The following ELAVL1 variants were observed in gnomAD, a reference collection of about 807,000 sequenced individuals.
The protein encoded by ELAVL1 is ELAV-like protein 1.
A neutral mutation model predicts 28.4 loss-of-function variants in ELAVL1; 1 was observed. The observed-to-expected ratio is 0.04, with a 90% CI of 0.01 to 0.17. The LOEUF (loss-of-function observed/expected upper bound fraction) is 0.17. Ranked by LOEUF, ELAVL1 falls within the 10% of genes least tolerant of loss-of-function variation. The pLI, the probability that ELAVL1 is intolerant of heterozygous loss-of-function variation, is 1.00. For synonymous variants in ELAVL1, 174 were observed against 183.5 expected (o/e 0.95, Z 0.42); for missense variants, 157 against 447.2 (o/e 0.35, Z 5.85).
At position 7,963,558 on chromosome 19, in the gene ELAVL1, T is replaced by A. The variant is rs117307819; in HGVS notation, c.906A>T (p.Ile302=). 9.7e-3 allele frequency: 15,686 copies of A among 1,614,258 alleles called. 97 individuals carry two copies. The highest frequency in any genetic ancestry group is 0.012 in the Non-Finnish European group (13,820 of 1,180,040). Reference sequence around the variant, plus strand: ...CCAGGCGGTAGCCGTTCAGGCTGGCTATGGCCATCGCGGCTTCTTCATAGT... The same window carrying A: ...CCAGGCGGTAGCCGTTCAGGCTGGCAATGGCCATCGCGGCTTCTTCATAGT... ...MTNYEEAAMA[I]ASLNGYRLGD... Residue 302 remains isoleucine (I), a synonymous_variant, in exon 6 of 6, where the codon ATA becomes ATT. Coordinates refer to ENST00000407627, the MANE Select transcript of ELAVL1 (RefSeq NM_001419.3). The surrounding 1 kb of genome is among the most constrained non-coding windows in gnomAD (Gnocchi z 4.5).
rs545699897 is a variant in ELAVL1 at position 7,995,568 on chromosome 19, G to A, written c.-16-3737C>T. ...TGTCTCATTTGTTTATGTATTGTCT[G>A]TCTATAGATAGTTTTGTACTACAAT... On this transcript the variant is annotated intron_variant, in intron 1 of 5. Coordinates refer to ENST00000407627, the MANE Select transcript of ELAVL1 (RefSeq NM_001419.3). Among the ~76,000 whole-genome samples, 3 of 152,238 alleles carry A rather than the reference G, an allele frequency of 2.0e-5. No individual in the cohort carries two copies. The South Asian group carries it at 6.2e-4, about 32-fold the overall frequency.
At chr19:7,974,527 A>C (rs1985223910) in intron 3 of ELAVL1, among the ~76,000 whole-genome samples, 2 of 152,168 alleles carry the variant, frequency 1.3e-5, no homozygotes, top group Non-Finnish European at 2.9e-5. Flanking sequence ...AGGCCAATGC[A>C]AGACAAGGTC....
At chr19:7,966,143 G>A (rs180937703) in intron 5 of ELAVL1, among the ~76,000 whole-genome samples, 31 of 152,132 alleles carry the variant, frequency 2.0e-4, no homozygotes, top group African/African-American at 6.5e-4. Context: ...ACCAGCCTGG[G>A]CAACACAGTG....
rs1984814380 is a variant in ELAVL1, at chr19:7,961,695, T to C, written c.*1788A>G. On this transcript the variant is annotated 3_prime_UTR_variant, in exon 6 of 6. Transcript: ENST00000407627. ...GGGTACGGATGGCAACATCATCAAT[T>C]TGCAAGGATCGCGCACACAGCCCCT... 1 of 152,076 alleles carries C rather than the reference T, an allele frequency of 6.6e-6. No individual in the cohort carries two copies. The highest frequency in any genetic ancestry group is 6.6e-5 in the Admixed American group (1 of 15,258). The allele number at this position is 152,076 out of a possible 1,614,324, so 9.4% of individuals were successfully genotyped here.
At chr19:7,997,831 A>T (rs2081054575) in intron 1 of ELAVL1, among the ~76,000 whole-genome samples, 1 of 151,994 alleles carries the variant, frequency 6.6e-6, no homozygotes, top group African/African-American at 2.4e-5. Context: ...CCTGTATGCA[A>T]TCCCAGCTAA....
intron 4 of ELAVL1, 159 bp downstream of exon 4, chr19:7,973,557 ACCTCCTCAG>A: frequency 1.2e-6 from 1 of 809,716 alleles, no homozygotes; most frequent in Non-Finnish European, 1.9e-6. Context: ...ATGCCATCTT[ACCTCCTCAG>A]CCTCCTCAAA....
chr19:7,964,576 C>T (rs1004819113), intron 5 of ELAVL1, among the ~76,000 whole-genome samples: 5 of 151,980 alleles, frequency 3.3e-5, no homozygotes, highest in East Asian at 1.9e-4. Context: ...GGCTCAAGCA[C>T]GGAATCCCAG....
chr19:7,990,986 T>C (rs953088395), intron 2 of ELAVL1, among the ~76,000 whole-genome samples: 1 of 152,130 alleles, frequency 6.6e-6, no homozygotes, highest in Non-Finnish European at 1.5e-5. Flanking sequence ...ACCACCAGGA[T>C]GTAGAAGCCA....
chr19:7,976,129 G>A (rs1489625100), intron 3 of ELAVL1, among the ~76,000 whole-genome samples: 1 of 150,288 alleles, frequency 6.7e-6, no homozygotes, highest in Non-Finnish European at 1.5e-5. Context: ...TTGGCTGGGC[G>A]CAGTGGCTCA....
chr19:7,999,883 T>C (rs913304568), intron 1 of ELAVL1, among the ~76,000 whole-genome samples: 2 of 152,202 alleles, frequency 1.3e-5, no homozygotes, highest in Admixed American at 1.3e-4. Context: ...TTCAAGTGAT[T>C]CTCCGGCTTC....
intron 2 of ELAVL1, among the ~76,000 whole-genome samples, chr19:7,987,092 G>C (rs1303322907): frequency 7.3e-6 from 1 of 137,902 alleles, no homozygotes; most frequent in African/African-American, 2.7e-5. Context: ...AAGCGCCCAA[G>C]AGTAGAGCCT....
rs1043729317 is a variant in ELAVL1 at position 7,999,582 on chromosome 19, G to A, written c.-17+5913C>T. On this transcript the variant is annotated intron_variant, in intron 1 of 5. Transcript: ENST00000407627. ...ATCTAAGAGTCCCCAGGCAAAGCCAGGGTGTGTCACACAGCAGTACAGGAG... is the reference window on the plus strand; with the variant it reads ...ATCTAAGAGTCCCCAGGCAAAGCCAAGGTGTGTCACACAGCAGTACAGGAG... Among the ~76,000 whole-genome samples the A allele has an allele frequency of 1.3e-5, 2 of 152,272 alleles. 1 individual carries two copies. Among genetic ancestry groups the A allele is most frequent in the South Asian group, 4.1e-4 (2 of 4,828 alleles).
rs572838171 is a variant in ELAVL1 at position 7,960,604 on chromosome 19, G to A, written c.*2879C>T. 1 of 152,586 alleles carries A rather than the reference G, an allele frequency of 6.6e-6. No individual in the cohort carries two copies. Among genetic ancestry groups the A allele is most frequent in the African/African-American group, 2.4e-5 (1 of 41,434 alleles). 9.5% of individuals were successfully genotyped at this position (152,586 alleles called of 1,614,324 possible). A position where few individuals can be genotyped will look rare whatever the true frequency, so the allele number is the denominator to read the frequency against. ...GTTCACAAATTCGGAGCTGCCTGGG[G>A]TCTAACTACCAGAGGAAGTTACACA... On this transcript the variant is annotated 3_prime_UTR_variant, in exon 6 of 6. Transcript: ENST00000407627.
At chr19:7,983,429 C>T (rs1209129690) in intron 2 of ELAVL1, among the ~76,000 whole-genome samples, 1 of 152,148 alleles carries the variant, frequency 6.6e-6, no homozygotes, top group Non-Finnish European at 1.5e-5. Context: ...CACGTACAAG[C>T]GAATACCCAC....
Position 7,961,268 on chromosome 19 carries a change from G to A in ELAVL1, c.*2215C>T, listed in dbSNP as rs930222700. ...GCTAGCTATGGGCATGTGTGGGAGT[G>A]AGACTCCAGGGGGAGTTTCAGAAGC... On this transcript the variant is annotated 3_prime_UTR_variant, in exon 6 of 6. Transcript: ENST00000407627. The A allele has an allele frequency of 3.9e-5, 6 of 152,284 alleles. No individual in the cohort carries two copies. The highest frequency in any genetic ancestry group is 9.6e-5 in the African/African-American group (4 of 41,478). 9.4% of individuals were successfully genotyped at this position (152,284 alleles called of 1,614,324 possible). A position where few individuals can be genotyped will look rare whatever the true frequency, so the allele number is the denominator to read the frequency against.
At chr19:8,002,607 GA>G (rs2081071996) in intron 1 of ELAVL1, among the ~76,000 whole-genome samples, 1 of 152,244 alleles carries the variant, frequency 6.6e-6, no homozygotes, top group Admixed American at 6.5e-5. Flanking sequence ...ATTCAGCCTT[GA>G]ATTCGATTCA....
At chr19:7,972,629 TTTTC>T (rs1448683589) in intron 4 of ELAVL1, among the ~76,000 whole-genome samples, 1 of 139,860 alleles carries the variant, frequency 7.2e-6, no homozygotes, top group Non-Finnish European at 1.6e-5. Context: ...TTTTTTTTCT[TTTTC>T]TTTTTTTTTA....
At position 7,962,187 on chromosome 19, in the gene ELAVL1, T is replaced by C. The variant is rs1984830689; in HGVS notation, c.*1296A>G. On this transcript the variant is annotated 3_prime_UTR_variant, in exon 6 of 6. Transcript: ENST00000407627. ...TGAGGCAAGGATTGGTTTCTTAAGA[T>C]CTTACGACTCCTCCCTGAATGCTGG... The C allele has an allele frequency of 6.5e-6, 1 of 153,714 alleles. No homozygotes were observed. Among genetic ancestry groups the C allele is most frequent in the Non-Finnish European group, 1.5e-5 (1 of 68,038 alleles). The allele number at this position is 153,714 out of a possible 1,614,324, so 9.5% of individuals were successfully genotyped here. A position where few individuals can be genotyped will look rare whatever the true frequency, so the allele number is the denominator to read the frequency against.
intron 2 of ELAVL1, among the ~76,000 whole-genome samples, chr19:7,984,767 C>CATCCT (rs1219007198): frequency 1.2e-4 from 18 of 152,228 alleles, no homozygotes; most frequent in African/African-American, 4.3e-4. Context: ...GCCCTGGTTT[C>CATCCT]CACCCGCTGG....
Sources: allele counts gnomAD v4.1 joint callset (sites outside exome capture counted in the v4.1 genomes callset), GRCh38; gene constraint gnomAD v4.1.1; non-coding constraint Gnocchi (gnomAD v3.1); transcripts MANE v1.5; gene names NCBI Gene and HGNC (gene_info 2026-07-23, HGNC 2026-07-21).